Variants in ESRRB observed in about 807,000 individuals in gnomAD.
ESRRB encodes estrogen related receptor beta, also known as steroid hormone receptor ERR2.
In ESRRB, 16 loss-of-function variants were observed where a neutral mutation model predicts 46.0. That is an observed-to-expected ratio of 0.35 (90% CI 0.24 to 0.53). ESRRB has a LOEUF of 0.53. Among genes scored for constraint, ESRRB ranks in the 20% least tolerant of loss-of-function variants. ESRRB has a pLI of 0.93. For missense variants in ESRRB, 488 were observed against 607.4 expected (o/e 0.80, Z 2.07); for synonymous variants, 246 against 259.6 (o/e 0.95, Z 0.50).
chr14:76,447,869 G>T (rs182217331), intron 2 of ESRRB, among the ~76,000 whole-genome samples: 4 of 152,240 alleles, frequency 2.6e-5, no homozygotes, highest in Admixed American at 2.0e-4. Context: ...TCTCCCTGCT[G>T]CCAGGCTCGG....
At chr14:76,443,031 G>T (rs1456492690) in intron 2 of ESRRB, among the ~76,000 whole-genome samples, 1 of 151,624 alleles carries the variant, frequency 6.6e-6, no homozygotes, top group Non-Finnish European at 1.5e-5. Context: ...GGCTAGGCTG[G>T]TCTCAAACTC....
intron 1 of ESRRB, among the ~76,000 whole-genome samples, chr14:76,428,491 C>A (rs1440474199): frequency 6.6e-6 from 1 of 152,124 alleles, no homozygotes; most frequent in Non-Finnish European, 1.5e-5. Flanking sequence ...TTGTGGTGGT[C>A]AGAGCCCAGA....
chr14:76,317,310 CTGTGTGTGTGTGTGTGTGTGTGTG>C (rs4024313), intron 1 of ESRRB, among the ~76,000 whole-genome samples: 127 of 134,528 alleles, frequency 9.4e-4, no homozygotes, highest in African/African-American at 3.4e-3. Context: ...TGATTAGGCT[CTGTGTGTGTGTGTGTGTGTGTGTG>C]TGTGTGTGTG....
chr14:76,480,502 C>T (rs1483783220), intron 3 of ESRRB, among the ~76,000 whole-genome samples: 3 of 152,214 alleles, frequency 2.0e-5, no homozygotes, highest in Non-Finnish European at 4.4e-5. Flanking sequence ...AGGAAACTTC[C>T]TTCTTCTCAG....
intron 1 of ESRRB, among the ~76,000 whole-genome samples, chr14:76,351,711 A>C (rs990453687): frequency 3.3e-5 from 5 of 152,192 alleles, no homozygotes; most frequent in African/African-American, 1.2e-4. Flanking sequence ...CCATATGCAA[A>C]AAGCTTGTTT....
intron 1 of ESRRB, among the ~76,000 whole-genome samples, chr14:76,382,926 C>A (rs1885073598): frequency 6.6e-6 from 1 of 152,144 alleles, no homozygotes; most frequent in Non-Finnish European, 1.5e-5. Flanking sequence ...GGGACTGAAC[C>A]TTTTCAGGGA....
intron 1 of ESRRB, among the ~76,000 whole-genome samples, chr14:76,338,835 C>T (rs1396586774): frequency 3.9e-5 from 6 of 152,052 alleles, no homozygotes; most frequent in South Asian, 2.1e-4. Flanking sequence ...CCCAGCTACT[C>T]GGGAGACTGA....
chr14:76,464,621 T>C lies in ESRRB; in HGVS notation c.577+1960T>C, dbSNP rs534963867. Among the ~76,000 whole-genome samples the C allele has an allele frequency of 1.4e-4, 21 of 152,290 alleles. No individual in the cohort carries two copies. In the East Asian group the frequency reaches 3.7e-3, roughly 27 times the overall value. ...CTCTTAGACAGGCCAGCTGCTTCGT[T>C]AGGGGCTCAACCGAAAAAACAGTCT... On this transcript the variant is annotated intron_variant, in intron 3 of 6. Transcript: ENST00000644823.
intron 1 of ESRRB, among the ~76,000 whole-genome samples, chr14:76,388,172 A>ATT (rs1595070084): frequency 7.5e-6 from 1 of 134,054 alleles, no homozygotes; most frequent in East Asian, 2.2e-4. Context: ...GCTTTCTTTC[A>ATT]TTCTTTTTTT....
intron 1 of ESRRB, among the ~76,000 whole-genome samples, chr14:76,413,199 C>G (rs1465334837): frequency 6.6e-6 from 1 of 152,184 alleles, no homozygotes; most frequent in African/African-American, 2.4e-5. Flanking sequence ...CACCGCAGTG[C>G]TGTTGGTGTG....
At chr14:76,341,808 A>T (rs1884194474) in intron 1 of ESRRB, among the ~76,000 whole-genome samples, 1 of 152,210 alleles carries the variant, frequency 6.6e-6, no homozygotes, top group Non-Finnish European at 1.5e-5. Flanking sequence ...AAGGCTGGGC[A>T]CTGGAGGCAT....
intron 3 of ESRRB, among the ~76,000 whole-genome samples, chr14:76,469,944 CTTT>C (rs1178018542): frequency 1.4e-5 from 1 of 73,074 alleles, no homozygotes; most frequent in Non-Finnish European, 2.8e-5. Flanking sequence ...TTTTTTTTTT[CTTT>C]TTTTTTTTTT....
At position 76,354,235 on chromosome 14, in the gene ESRRB, CA is replaced by C. The variant is rs386418777; in HGVS notation, c.2+43320del. 2.6e-3 allele frequency among the ~76,000 whole-genome samples: 225 copies of C among 86,014 alleles called. 6 individuals carry two copies. The highest frequency in any genetic ancestry group is 0.012 in the African/African-American group (188 of 16,114). The allele number at this position is 86,014 out of a possible 152,430, so 56.4% of individuals were successfully genotyped here. A position where few individuals can be genotyped will look rare whatever the true frequency, so the allele number is the denominator to read the frequency against. ...AGGGTCCTCTACCCGCCCCCCCCCC[CA>C]CCCACACTTCCACCCTCACCTCTCC... On this transcript the variant is annotated intron_variant, in intron 1 of 6. Coordinates refer to the ESRRB transcript ENST00000512784.
At chr14:76,464,606 G>A (rs1889028365) in intron 3 of ESRRB, among the ~76,000 whole-genome samples, 1 of 152,140 alleles carries the variant, frequency 6.6e-6, no homozygotes, top group African/African-American at 2.4e-5. Context: ...CTCTTAGACA[G>A]GCCAGCTGCT....
At chr14:76,383,418 C>A (rs79103762) in intron 1 of ESRRB, among the ~76,000 whole-genome samples, 2,207 of 151,508 alleles carry the variant, frequency 0.015, 62 homozygotes, top group African/African-American at 0.051. Context: ...GAATCATTGG[C>A]CTTTTGATGT....
intron 1 of ESRRB, among the ~76,000 whole-genome samples, chr14:76,313,296 T>G (rs1326402051): frequency 7.0e-6 from 1 of 143,458 alleles, no homozygotes; most frequent in Non-Finnish European, 1.5e-5. Context: ...TTTTATGTGG[T>G]TTGAGCTCCC....
rs769972607 is a variant in ESRRB, at chr14:76,500,859, G to A, written c.*2401G>A. 139 of 884,244 alleles carry A rather than the reference G, an allele frequency of 1.6e-4. No individual in the cohort carries two copies. The highest frequency in any genetic ancestry group is 2.5e-4 in the Non-Finnish European group (129 of 523,362). The allele number at this position is 884,244 out of a possible 1,614,324, so 54.8% of individuals were successfully genotyped here. ...AGTCCTGATGGTTGGTGTCCATGAG[G>A]TGGAAGCTGCTTTTATACTTAAAAC... On this transcript the variant is annotated 3_prime_UTR_variant, in exon 7 of 7. Transcript: ENST00000644823.
In ESRRB at chr14:76,355,515, T is replaced by C. The variant is rs537214111; in HGVS notation, c.2+44599T>C. 5.9e-5 allele frequency among the ~76,000 whole-genome samples: 9 copies of C among 152,284 alleles called. No homozygotes were observed. The South Asian group carries it at 1.5e-3, about 25-fold the overall frequency. On this transcript the variant is annotated intron_variant, in intron 1 of 6. Transcript: ENST00000512784. ...CACTGAGCACTCTAGCTTGTATCAA[T>C]GTGGATCATTTGCAAGACTTTCCCA...
At chr14:76,346,156 G>A (rs995303385) in intron 1 of ESRRB, among the ~76,000 whole-genome samples, 1 of 152,110 alleles carries the variant, frequency 6.6e-6, no homozygotes, top group Non-Finnish European at 1.5e-5. Context: ...TTGTAAATAA[G>A]CCCGCATTCA....
Sources: allele counts gnomAD v4.1 joint callset (sites outside exome capture counted in the v4.1 genomes callset), GRCh38; gene constraint gnomAD v4.1.1; transcripts MANE v1.5; gene names NCBI Gene and HGNC (gene_info 2026-07-23, HGNC 2026-07-21).